Variants in MFSD11 observed in about 807,000 individuals in gnomAD.
MFSD11 encodes the protein major facilitator superfamily domain containing 11.
MFSD11 carries 36 observed loss-of-function variants against 53.5 expected under a neutral mutation model. That is an observed-to-expected ratio of 0.67 (90% CI 0.52 to 0.89). The LOEUF is 0.89. Ranked by LOEUF, MFSD11 falls within the 40% of genes least tolerant of loss-of-function variation. MFSD11 has a pLI of 0.00. For missense variants in MFSD11, 530 were observed against 543.9 expected, an observed-to-expected ratio of 0.97 and a Z score of 0.25; for synonymous variants, 186 against 184.9, an observed-to-expected ratio of 1.01 and a Z score of -0.05.
Position 76,739,432 on chromosome 17 carries a change from G to A in MFSD11, c.152+439G>A, listed in dbSNP as rs536055270. On this transcript the variant is annotated intron_variant, in intron 2 of 12. Transcript: ENST00000685175. ...AATATACGTATGTCAGGAGCTTTTA[G>A]ATTTTTGTTAAGGTGATTAGTCCCA... Among the ~76,000 whole-genome samples, 4 of 152,274 alleles carry A rather than the reference G, an allele frequency of 2.6e-5. No individual in the cohort carries two copies. The South Asian group carries it at 8.3e-4, about 32-fold the overall frequency.
At chr17:76,785,360 A>G (rs1213368213), downstream of MFSD11, among the ~76,000 whole-genome samples, 3 of 152,094 alleles carry the variant, frequency 2.0e-5, no homozygotes, top group African/African-American at 7.2e-5. Flanking sequence ...TTTTTGAGGC[A>G]GGGTCTTGCT....
intron 8 of MFSD11, among the ~76,000 whole-genome samples, chr17:76,756,596 C>T (rs2079655412): frequency 6.6e-6 from 1 of 152,262 alleles, no homozygotes; most frequent in East Asian, 1.9e-4. Flanking sequence ...TGCAGTGGCT[C>T]ATGCCTATAA....
chr17:76,739,771 G>A (rs965304001), intron 2 of MFSD11, among the ~76,000 whole-genome samples: 2 of 152,096 alleles, frequency 1.3e-5, no homozygotes, highest in Non-Finnish European at 2.9e-5. Flanking sequence ...CCTATCCTAA[G>A]CCTTGTATGT....
rs768921058 is a variant in MFSD11, at chr17:76,779,126, G to A, written c.*774G>A. The A allele has an allele frequency of 6.6e-6, 1 of 151,860 alleles. No individual in the cohort carries two copies. The highest frequency in any genetic ancestry group is 1.5e-5 in the Non-Finnish European group (1 of 67,994). 9.4% of individuals were successfully genotyped at this position (151,860 alleles called of 1,614,324 possible). ...AAATGTGTTGGGTTTGGTGGTGCAT[G>A]CCTGTAATCCTAGCTACTAGGGAGG... On this transcript the variant is annotated 3_prime_UTR_variant, in exon 13 of 13. Coordinates refer to ENST00000685175, the MANE Select transcript of MFSD11 (RefSeq NM_001242532.5).
chr17:76,743,001 A>G (rs1158144542), intron 5 of MFSD11, among the ~76,000 whole-genome samples: 1 of 152,234 alleles, frequency 6.6e-6, no homozygotes, highest in African/African-American at 2.4e-5. Flanking sequence ...TTTTCAGGAA[A>G]GTATGCTAAA....
the MFSD11 span, among the ~76,000 whole-genome samples, chr17:76,787,545 C>T: frequency 6.6e-6 from 1 of 150,420 alleles, no homozygotes; most frequent in Non-Finnish European, 1.5e-5. Flanking sequence ...GCCTAAGTGT[C>T]TAGTTCTGTT....
Position 76,778,461 on chromosome 17 carries a change from TGGAAAATCAAG to T in MFSD11, c.*113_*123del. The T allele has an allele frequency of 1.8e-6, 2 of 1,131,266 alleles. No individual in the cohort carries two copies. The highest frequency in any genetic ancestry group is 2.5e-6 in the Non-Finnish European group (2 of 784,770). The allele number at this position is 1,131,266 out of a possible 1,614,324, so 70.1% of individuals were successfully genotyped here. On this transcript the variant is annotated 3_prime_UTR_variant, in exon 13 of 13. Transcript: ENST00000685175. ...ACTATATATTGGGTGATGTTCAGTA[TGGAAAATCAAG>T]GGATTAAGACTGTTAAATCAGCCAG...
chr17:76,752,556 T>G (rs1416113652), intron 7 of MFSD11, among the ~76,000 whole-genome samples: 1 of 152,118 alleles, frequency 6.6e-6, no homozygotes, highest in African/African-American at 2.4e-5. Flanking sequence ...TTTTTTTGTA[T>G]TTTTAGTAGA....
At chr17:76,770,031 C>CTTTTTTTTTTTTTTTTTTTTT (rs367900405) in intron 10 of MFSD11, among the ~76,000 whole-genome samples, 160 bp downstream of exon 10, 1 of 131,086 alleles carries the variant, frequency 7.6e-6, no homozygotes, top group Admixed American at 7.7e-5. Context: ...TATTCTTTTT[C>CTTTTTTTTTTTTTTTTTTTTT]TTTTTTTTTT....
intron 10 of MFSD11, chr17:76,773,327 T>A (rs2081533234): frequency 6.6e-6 from 1 of 152,282 alleles, no homozygotes; most frequent in Admixed American, 6.5e-5. Flanking sequence ...CCAGATATTT[T>A]CCAGAGTGGC....
rs549197545 is a variant in MFSD11, at chr17:76,758,994, C to T, written c.682+4907C>T. Among the ~76,000 whole-genome samples the T allele has an allele frequency of 2.0e-5, 3 of 152,192 alleles. No individual in the cohort carries two copies. In the South Asian group the frequency reaches 6.2e-4, roughly 32 times the overall value. The stretch of plus-strand genomic sequence containing the variant: ...GCACAGTGGCTCACACCTGTAATAC[C>T]AGCACTTTGGGAGGCCAAAGTTGGG... On this transcript the variant is annotated intron_variant, in intron 8 of 12. Coordinates refer to ENST00000685175, the MANE Select transcript of MFSD11 (RefSeq NM_001242532.5).
the MFSD11 span, chr17:76,799,430 A>T: frequency 1.3e-5 from 2 of 150,266 alleles, no homozygotes; most frequent in African/African-American, 4.9e-5. Context: ...ATTATTTTTG[A>T]GACACAGTCT....
chr17:76,753,923 T>G (rs1205334611), intron 7 of MFSD11, 124 bp from the exon 8 acceptor site: 3 of 712,772 alleles, frequency 4.2e-6, no homozygotes, highest in South Asian at 1.9e-5. Flanking sequence ...TTCGAGTCAC[T>G]GGGAATGCAT....
In MFSD11 at chr17:76,743,326, A is replaced by T. The variant is rs1598490558; in HGVS notation, c.438-72A>T. 4 of 974,606 alleles carry T rather than the reference A, an allele frequency of 4.1e-6. No individual in the cohort carries two copies. The East Asian group carries it at 1.1e-4, about 28-fold the overall frequency. 60.4% of individuals were successfully genotyped at this position (974,606 alleles called of 1,614,324 possible). A position where few individuals can be genotyped will look rare whatever the true frequency, so the allele number is the denominator to read the frequency against. On this transcript the variant is annotated intron_variant, in intron 5 of 12. Transcript: ENST00000685175. ...CCCTCTCTTACAACAAATAATGGGA[A>T]TAATTATTTTTAAAAAACTATAAAT... is the stretch of plus-strand genomic sequence containing the variant.
the MFSD11 span, among the ~76,000 whole-genome samples, chr17:76,803,157 A>T: frequency 6.6e-6 from 1 of 152,028 alleles, no homozygotes; most frequent in African/African-American, 2.4e-5. Context: ...CTCCGTCTCA[A>T]AAAAACAAAA....
chr17:76,771,259 C>G (rs972505479), intron 10 of MFSD11, among the ~76,000 whole-genome samples: 4 of 152,226 alleles, frequency 2.6e-5, no homozygotes, highest in African/African-American at 9.6e-5. Context: ...GTGGCTCTTT[C>G]TGAATAACTA....
chr17:76,736,796 T>C (rs552667347), upstream of MFSD11: 3 of 1,550,608 alleles, frequency 1.9e-6, no homozygotes, highest in South Asian at 2.4e-5. Flanking sequence ...CAGCCCCGTT[T>C]ACCTGCGGCT....
At position 76,776,596 on chromosome 17, in the gene MFSD11, T is replaced by G; in HGVS notation, c.1185+55T>G. The stretch of plus-strand genomic sequence containing the variant: ...ACATAGGGCTCTTCCCTTTGTGTAT[T>G]GCCTTGTTTTCCTTGGTTACTTGTA... On this transcript the variant is annotated intron_variant, in intron 12 of 12. Coordinates refer to ENST00000685175, the MANE Select transcript of MFSD11 (RefSeq NM_001242532.5). The surrounding 1 kb of genome is among the most constrained non-coding windows in gnomAD (Gnocchi z 4.2). The G allele has an allele frequency of 6.6e-7, 1 of 1,505,788 alleles. No homozygotes were observed. Among genetic ancestry groups the G allele is most frequent in the Non-Finnish European group, 8.9e-7 (1 of 1,122,606 alleles). The allele number at this position is 1,505,788 out of a possible 1,614,324, so 93.3% of individuals were successfully genotyped here.
intron 12 of MFSD11, among the ~76,000 whole-genome samples, chr17:76,777,525 G>A (rs1388369642): frequency 3.3e-5 from 5 of 152,122 alleles, no homozygotes; most frequent in Non-Finnish European, 5.9e-5. Flanking sequence ...ATGAGCCACC[G>A]CCCCGGCTAT....
Sources: gnomAD v4.1 joint callset for allele counts (sites outside exome capture counted in the v4.1 genomes callset) on GRCh38, gnomAD v4.1.1 for gene constraint, Gnocchi (gnomAD v3.1) non-coding constraint, MANE v1.5 for transcripts, NCBI Gene and HGNC (gene_info 2026-07-23, HGNC 2026-07-21) for gene names.